RIMS2: variants seen among roughly 807,000 people sequenced by gnomAD.
RIMS2 encodes the protein regulating synaptic membrane exocytosis protein 2.
In RIMS2, 59 loss-of-function variants were observed where a neutral mutation model predicts 174.4. The ratio of observed to expected loss-of-function variants is 0.34; its 90% confidence interval spans 0.27 to 0.42. The LOEUF is 0.42. Ranked by LOEUF, RIMS2 falls within the 10% of genes least tolerant of loss-of-function variation. The pLI, the probability that RIMS2 is intolerant of heterozygous loss-of-function variation, is 1.00. For missense variants in RIMS2, 1,620 were observed against 1,666.3 expected, an observed-to-expected ratio of 0.97 and a Z score of 0.48; for synonymous variants, 606 against 572.5, an observed-to-expected ratio of 1.06 and a Z score of -0.84.
intron 1 of RIMS2, among the ~76,000 whole-genome samples, chr8:103,567,741 CT>C (rs1432308184): frequency 5.9e-5 from 9 of 152,138 alleles, no homozygotes; most frequent in Admixed American, 5.9e-4. Flanking sequence ...AACTGCCAGA[CT>C]TTTCCAAAGG....
chr8:103,746,578 GT>G (rs1233421504), intron 2 of RIMS2, among the ~76,000 whole-genome samples: 1 of 152,066 alleles, frequency 6.6e-6, no homozygotes, highest in Non-Finnish European at 1.5e-5. Context: ...TCCATTAGTT[GT>G]TTTCCTGATC....
intron 2 of RIMS2, among the ~76,000 whole-genome samples, chr8:103,764,389 A>G (rs771634385): frequency 1.3e-5 from 2 of 152,196 alleles, no homozygotes. Context: ...AAAACAGAAA[A>G]GTTGACATTC....
chr8:104,215,274 A>T (rs2099124918), intron 19 of RIMS2, among the ~76,000 whole-genome samples: 1 of 152,228 alleles, frequency 6.6e-6, no homozygotes, highest in South Asian at 2.1e-4. Flanking sequence ...TATTGCCATA[A>T]ATGTTGTAAT....
intron 19 of RIMS2, among the ~76,000 whole-genome samples, chr8:104,211,585 G>GTTTTT (rs2099105716): frequency 6.7e-6 from 1 of 148,526 alleles, no homozygotes; most frequent in Non-Finnish European, 1.5e-5. Flanking sequence ...TTTTTTTTGA[G>GTTTTT]ACAGAGTTTC....
chr8:104,075,560 C>G (rs1398367424), intron 19 of RIMS2, among the ~76,000 whole-genome samples: 1 of 152,186 alleles, frequency 6.6e-6, no homozygotes, highest in Non-Finnish European at 1.5e-5. Context: ...AGAGACTATG[C>G]CAGTGGCTGT....
intron 2 of RIMS2, among the ~76,000 whole-genome samples, chr8:103,697,983 A>AT (rs1297751387): frequency 1.5e-5 from 2 of 129,112 alleles, no homozygotes; most frequent in African/African-American, 5.8e-5. Flanking sequence ...AAAAGAAAAA[A>AT]ATTTGTGTCA....
intron 19 of RIMS2, among the ~76,000 whole-genome samples, chr8:104,229,786 G>A (rs2099213943): frequency 6.6e-6 from 1 of 151,080 alleles, no homozygotes; most frequent in African/African-American, 2.5e-5. Context: ...TCCCAAAGAA[G>A]AGATTTCACT....
chr8:103,939,401 A>G (rs976440429), intron 13 of RIMS2, among the ~76,000 whole-genome samples: 1 of 152,126 alleles, frequency 6.6e-6, no homozygotes, highest in Admixed American at 6.5e-5. Flanking sequence ...TCACAGCTGG[A>G]GCAACTGGGA....
intron 19 of RIMS2, among the ~76,000 whole-genome samples, chr8:104,039,939 G>GA (rs1468333251): frequency 1.3e-5 from 2 of 151,474 alleles, no homozygotes; most frequent in African/African-American, 4.8e-5. Context: ...TTCAACAGGT[G>GA]AAAAAATGTG....
At chr8:103,929,223 G>A (rs998968401) in intron 11 of RIMS2, among the ~76,000 whole-genome samples, 1 of 151,786 alleles carries the variant, frequency 6.6e-6, no homozygotes, top group South Asian at 2.1e-4. Context: ...TACTCTGTAT[G>A]AGAAATTGAT....
intron 3 of RIMS2, among the ~76,000 whole-genome samples, chr8:103,828,266 T>C (rs1010289281): frequency 6.6e-6 from 1 of 152,212 alleles, no homozygotes; most frequent in African/African-American, 2.4e-5. Context: ...AAGATTGGTG[T>C]TATTTATCCC....
At chr8:103,791,699 A>G in intron 3 of RIMS2, among the ~76,000 whole-genome samples, 1 of 152,198 alleles carries the variant, frequency 6.6e-6, no homozygotes, top group East Asian at 1.9e-4. Flanking sequence ...AGACACACAT[A>G]GACTCAAAAT....
intron 19 of RIMS2, chr8:104,223,670 G>A (rs756823872): frequency 3.8e-6 from 6 of 1,590,976 alleles, no homozygotes; most frequent in Middle Eastern, 1.9e-4. Flanking sequence ...GCAGGGCTTG[G>A]GGGGTGCCAG....
intron 19 of RIMS2, among the ~76,000 whole-genome samples, chr8:104,191,211 A>G (rs2098996160): frequency 6.6e-6 from 1 of 152,076 alleles, no homozygotes; most frequent in East Asian, 1.9e-4. Flanking sequence ...TTCTCAGCGC[A>G]GTGAAAATCA....
chr8:104,072,642 T>C (rs1000180081), intron 19 of RIMS2, among the ~76,000 whole-genome samples: 9 of 152,138 alleles, frequency 5.9e-5, no homozygotes, highest in Admixed American at 3.3e-4. Flanking sequence ...TGGAATCTAA[T>C]TGTTAGCCTA....
chr8:103,958,541 C>A (rs1425362538), intron 14 of RIMS2, among the ~76,000 whole-genome samples: 1 of 151,996 alleles, frequency 6.6e-6, no homozygotes, highest in East Asian at 1.9e-4. Flanking sequence ...TTCACATATA[C>A]CTTCAAACCT....
chr8:104,223,363 C>G (rs572632991), intron 19 of RIMS2: 29 of 1,180,846 alleles, frequency 2.5e-5, no homozygotes, highest in Non-Finnish European at 2.8e-5. Flanking sequence ...CCAGGATTCT[C>G]AGCTCCCTCC....
chr8:103,580,613 G>C (rs1424381771), intron 1 of RIMS2, among the ~76,000 whole-genome samples: 1 of 151,996 alleles, frequency 6.6e-6, no homozygotes, highest in Non-Finnish European at 1.5e-5. Flanking sequence ...AATAGCAGGG[G>C]ACACATGCAA....
intron 1 of RIMS2, among the ~76,000 whole-genome samples, chr8:103,594,824 C>A (rs1444149830): frequency 1.3e-5 from 2 of 151,828 alleles, no homozygotes; most frequent in East Asian, 3.9e-4. Context: ...AGTTGCCTAA[C>A]CTTCATTTAC....
Sources: gnomAD v4.1 joint callset for allele counts (sites outside exome capture counted in the v4.1 genomes callset) on GRCh38, gnomAD v4.1.1 for gene constraint, MANE v1.5 for transcripts, NCBI Gene and HGNC (gene_info 2026-07-23, HGNC 2026-07-21) for gene names.